The following PEAK1 variants were observed in gnomAD, a reference collection of about 807,000 sequenced individuals.
PEAK1 encodes the protein inactive tyrosine-protein kinase PEAK1.
A neutral mutation model predicts 124.7 loss-of-function variants in PEAK1; 54 were observed. That is an observed-to-expected ratio of 0.43 (90% CI 0.35 to 0.54). The LOEUF is 0.54. Ranked by LOEUF, PEAK1 falls within the 20% of genes least tolerant of loss-of-function variation. The probability of loss-of-function intolerance (pLI) is 0.01; values close to 1 mark genes in which losing one functional copy is unlikely to be tolerated. For missense variants in PEAK1, 2,046 were observed against 2,134.5 expected, an observed-to-expected ratio of 0.96 and a Z score of 0.82; for synonymous variants, 719 against 760.0, an observed-to-expected ratio of 0.95 and a Z score of 0.89.
At chr15:77,156,009 C>T (rs1001198045) in intron 8 of PEAK1, 2 of 152,426 alleles carry the variant, frequency 1.3e-5, no homozygotes, top group African/African-American at 4.8e-5. Context: ...GCTGGGAGAA[C>T]CACTACTCTC....
At chr15:77,408,538 A>AT (rs201237424) in intron 1 of PEAK1, among the ~76,000 whole-genome samples, 1 of 151,630 alleles carries the variant, frequency 6.6e-6, no homozygotes, top group African/African-American at 2.4e-5. Flanking sequence ...TGAAATAAAA[A>AT]TTTAAAAAAA....
At chr15:77,265,385 A>C (rs1597000558) in intron 5 of PEAK1, among the ~76,000 whole-genome samples, 1 of 152,108 alleles carries the variant, frequency 6.6e-6, no homozygotes, top group South Asian at 2.1e-4. Context: ...CCAGAATCTA[A>C]AGTGAACTCA....
intron 2 of PEAK1, chr15:77,349,041 A>ATTTTT: frequency 1.2e-6 from 1 of 817,898 alleles, no homozygotes. Context: ...TCAGTCAATA[A>ATTTTT]TTTTTTTTTT....
At position 77,305,413 on chromosome 15, in the gene PEAK1, T is replaced by C. The variant is rs190820137; in HGVS notation, c.-602-18909A>G. Among the ~76,000 whole-genome samples, 151 of 152,164 alleles carry C rather than the reference T, an allele frequency of 9.9e-4. 1 individual carries two copies. The East Asian group carries it at 0.024, about 25-fold the overall frequency. ...GGCATGGAACAACTGAAAGTCCACA[T>C]AGCAGCTAAAGGATATTAAGGGAAC... On this transcript the variant is annotated intron_variant, in intron 2 of 9. Coordinates refer to ENST00000682557, the MANE Select transcript of PEAK1 (RefSeq NM_001385026.1).
At position 77,114,270 on chromosome 15, in the gene PEAK1, C is replaced by T; in HGVS notation, c.5127G>A (p.Lys1709=). ...TGATTCCACCTTCCCTGTCCAGGGA[C>T]TTCTCAGCAAACTTGATCATGAGCA... ...RTLLMIKFAE[K]SLDREGGISL... The change falls in exon 10 of 10, where the codon AAG becomes AAA. Residue 1709 remains lysine (K), a synonymous_variant. Transcript: ENST00000682557. The T allele has an allele frequency of 6.2e-7, 1 of 1,614,246 alleles. No homozygotes were observed. Among genetic ancestry groups the T allele is most frequent in the Non-Finnish European group, 8.5e-7 (1 of 1,180,042 alleles).
At chr15:77,265,682 G>A (rs2061685825) in intron 5 of PEAK1, among the ~76,000 whole-genome samples, 2 of 152,054 alleles carry the variant, frequency 1.3e-5, no homozygotes, top group African/African-American at 4.8e-5. Flanking sequence ...TTCAACCATT[G>A]TGGAAGTCAG....
intron 1 of PEAK1, chr15:77,419,610 C>T (rs954823469): frequency 1.0e-5 from 10 of 985,048 alleles, no homozygotes; most frequent in Non-Finnish European, 1.2e-5. Context: ...CTGCCCCGGC[C>T]TCCCCGCGTC....
intron 2 of PEAK1, among the ~76,000 whole-genome samples, chr15:77,309,388 CA>C (rs943337896): frequency 7.1e-4 from 107 of 151,404 alleles, no homozygotes; most frequent in African/African-American, 2.4e-3. Flanking sequence ...ATAAGGCTGC[CA>C]CAAGTTTTAT....
intron 1 of PEAK1, among the ~76,000 whole-genome samples, chr15:77,407,040 C>CAA (rs1180885625): frequency 6.6e-6 from 1 of 152,100 alleles, no homozygotes; most frequent in East Asian, 1.9e-4. Flanking sequence ...CCCTATTCAA[C>CAA]AAATGGTGCG....
At chr15:77,385,281 CA>C (rs1362477304) in intron 1 of PEAK1, among the ~76,000 whole-genome samples, 5 of 152,010 alleles carry the variant, frequency 3.3e-5, no homozygotes, top group African/African-American at 9.7e-5. Context: ...AAAAACAAAA[CA>C]AAAATGTTTA....
chr15:77,178,634 T>C (rs1289350501), intron 7 of PEAK1, 156 bp downstream of exon 7: 6 of 762,154 alleles, frequency 7.9e-6, no homozygotes, highest in Admixed American at 5.8e-5. Context: ...TTTAATACTA[T>C]TCTAATCTTG....
At chr15:77,191,977 G>T (rs2057856091) in intron 6 of PEAK1, among the ~76,000 whole-genome samples, 1 of 152,104 alleles carries the variant, frequency 6.6e-6, no homozygotes, top group Non-Finnish European at 1.5e-5. Flanking sequence ...ACTGAAATGT[G>T]GACAATCAAG....
intron 2 of PEAK1, among the ~76,000 whole-genome samples, chr15:77,345,120 C>G (rs1174519446): frequency 2.0e-5 from 3 of 152,082 alleles, no homozygotes; most frequent in Non-Finnish European, 2.9e-5. Context: ...GTCCCTGGAT[C>G]TTAGAGCAAA....
chr15:77,351,784 G>C, intron 2 of PEAK1: 1 of 985,432 alleles, frequency 1.0e-6, no homozygotes, highest in Non-Finnish European at 1.2e-6. Context: ...TTATCTTGAT[G>C]AAAATGTGGA....
At position 77,288,206 on chromosome 15, in the gene PEAK1, A is replaced by G. The variant is rs1193001083; in HGVS notation, c.-602-1702T>C. Among the ~76,000 whole-genome samples the G allele has an allele frequency of 5.9e-5, 9 of 152,350 alleles. No individual in the cohort carries two copies. The South Asian group carries it at 1.7e-3, about 28-fold the overall frequency. On this transcript the variant is annotated intron_variant, in intron 2 of 9. Transcript: ENST00000682557. ...GAATAAATGTCCAAGTATGACATATAAAGTCCTCAATGACCAGGCTCATAC... is the reference window on the plus strand; with the variant it reads ...GAATAAATGTCCAAGTATGACATATGAAGTCCTCAATGACCAGGCTCATAC...
intron 6 of PEAK1, among the ~76,000 whole-genome samples, chr15:77,208,470 G>A (rs1202536628): frequency 2.0e-5 from 3 of 152,120 alleles, no homozygotes; most frequent in Non-Finnish European, 2.9e-5. Flanking sequence ...TTGGGAAAAC[G>A]ATACCGTCAC....
intron 1 of PEAK1, chr15:77,403,584 C>T (rs2142032533): frequency 1.0e-6 from 1 of 962,642 alleles, no homozygotes; most frequent in East Asian, 1.1e-4. Flanking sequence ...GCCTCTGAGT[C>T]TAATATTTAT....
intron 6 of PEAK1, among the ~76,000 whole-genome samples, chr15:77,227,183 C>T (rs2059715434): frequency 6.6e-6 from 1 of 152,132 alleles, no homozygotes; most frequent in Admixed American, 6.5e-5. Context: ...ACTGGAAAAA[C>T]AAAAATGGCA....
At chr15:77,116,233 G>A (rs570302012) in intron 9 of PEAK1, among the ~76,000 whole-genome samples, 3 of 152,250 alleles carry the variant, frequency 2.0e-5, no homozygotes, top group Admixed American at 6.5e-5. Context: ...GGCTGACCGT[G>A]GAAGACTGAG....
Sources: gnomAD v4.1 joint callset for allele counts (sites outside exome capture counted in the v4.1 genomes callset) on GRCh38, gnomAD v4.1.1 for gene constraint, MANE v1.5 for transcripts, NCBI Gene and HGNC (gene_info 2026-07-23, HGNC 2026-07-21) for gene names.